Variants in RFX7 observed in about 807,000 individuals in gnomAD.
The protein encoded by RFX7 is DNA-binding protein RFX7.
A neutral mutation model predicts 111.8 loss-of-function variants in RFX7; 26 were observed. That is an observed-to-expected ratio of 0.23 (90% CI 0.17 to 0.32). RFX7 has a LOEUF of 0.32. RFX7 is among the 10% of genes least tolerant of loss of function. The probability of loss-of-function intolerance (pLI) is 1.00; values close to 1 mark genes in which losing one functional copy is unlikely to be tolerated. For synonymous variants in RFX7, 624 were observed against 624.4 expected (o/e 1.00, Z 0.01); for missense variants, 1,573 against 1,772.9 (o/e 0.89, Z 2.02).
intron 5 of RFX7, among the ~76,000 whole-genome samples, chr15:56,139,571 G>A (rs1294692651): frequency 7.2e-5 from 11 of 151,978 alleles, no homozygotes; most frequent in South Asian, 2.1e-4. Flanking sequence ...ATGTCCTCCC[G>A]TAGCTCAGAG....
At position 56,147,593 on chromosome 15, in the gene RFX7, A is replaced by G. The variant is rs185323733; in HGVS notation, c.196-3110T>C. Among the ~76,000 whole-genome samples, 165 of 146,844 alleles carry G rather than the reference A, an allele frequency of 1.1e-3. 1 individual carries two copies. Among genetic ancestry groups the G allele is most frequent in the African/African-American group, 3.9e-3 (157 of 40,310 alleles). ...AAAAAATCTAATTTTTTTTTTTTTG[A>G]GGTGGAGTCTTGCTGTGTCGCCCAG... On this transcript the variant is annotated intron_variant, in intron 3 of 9. Transcript: ENST00000559447.
At chr15:56,114,716 C>A (rs2035185659) in intron 5 of RFX7, among the ~76,000 whole-genome samples, 1 of 151,944 alleles carries the variant, frequency 6.6e-6, no homozygotes, top group South Asian at 2.1e-4. Flanking sequence ...TATAAAAAAA[C>A]TATCATATAT....
intron 2 of RFX7, among the ~76,000 whole-genome samples, chr15:56,183,647 C>G (rs894068395): frequency 6.6e-6 from 1 of 152,154 alleles, no homozygotes; most frequent in Non-Finnish European, 1.5e-5. Flanking sequence ...TATTTGATTG[C>G]ATGACCCCCC....
chr15:56,178,166 TAC>T (rs140828561), intron 3 of RFX7, among the ~76,000 whole-genome samples: 15,330 of 119,142 alleles, frequency 0.13, 1,098 homozygotes, highest in African/African-American at 0.19. Context: ...ACCAAAAAAC[TAC>T]ACACACACAC....
chr15:56,164,822 C>T (rs1256430731), intron 3 of RFX7, among the ~76,000 whole-genome samples: 2 of 152,132 alleles, frequency 1.3e-5, no homozygotes, highest in African/African-American at 4.8e-5. Flanking sequence ...TAAAGTAGGA[C>T]AGTTTTTAGA....
At chr15:56,169,322 T>C (rs1241567978) in intron 3 of RFX7, among the ~76,000 whole-genome samples, 3 of 152,236 alleles carry the variant, frequency 2.0e-5, no homozygotes, top group Non-Finnish European at 4.4e-5. Flanking sequence ...TAATTCCATA[T>C]GGTGAGCATT....
intron 8 of RFX7, among the ~76,000 whole-genome samples, chr15:56,099,344 C>G (rs1443526879): frequency 6.6e-6 from 1 of 152,142 alleles, no homozygotes; most frequent in African/African-American, 2.4e-5. Context: ...GAAGCTATAA[C>G]TCTCTCCCCA....
At chr15:56,183,109 G>C (rs1345566323) in intron 2 of RFX7, among the ~76,000 whole-genome samples, 2 of 151,860 alleles carry the variant, frequency 1.3e-5, no homozygotes, top group African/African-American at 2.4e-5. Flanking sequence ...TAGCAATGTT[G>C]TGTGCCTTTT....
intron 3 of RFX7, among the ~76,000 whole-genome samples, chr15:56,162,808 G>C (rs1306407387): frequency 2.0e-5 from 3 of 152,044 alleles, no homozygotes; most frequent in African/African-American, 4.8e-5. Context: ...AACCAAACAA[G>C]CTATTTAAAT....
intron 5 of RFX7, among the ~76,000 whole-genome samples, chr15:56,109,579 G>A: frequency 6.6e-6 from 1 of 151,458 alleles, no homozygotes; most frequent in Non-Finnish European, 1.5e-5. Flanking sequence ...CTGCCCAGCC[G>A]CCATCCCATC....
At chr15:56,131,309 CACTCTG>C (rs1345872496) in intron 5 of RFX7, among the ~76,000 whole-genome samples, 1 of 136,106 alleles carries the variant, frequency 7.3e-6, no homozygotes, top group Non-Finnish European at 1.5e-5. Context: ...GACAGGATCT[CACTCTG>C]TCACCCAGGT....
intron 2 of RFX7, among the ~76,000 whole-genome samples, chr15:56,241,218 A>C (rs2043685827): frequency 1.3e-5 from 2 of 152,242 alleles, no homozygotes; most frequent in African/African-American, 2.4e-5. Flanking sequence ...AGTGCACTCT[A>C]CTTCAGAAGT....
chr15:56,155,005 A>G (rs1362397763), intron 3 of RFX7, among the ~76,000 whole-genome samples: 1 of 152,236 alleles, frequency 6.6e-6, no homozygotes, highest in Non-Finnish European at 1.5e-5. Context: ...ACATTTATGC[A>G]GCCAACAGAC....
chr15:56,213,961 C>T (rs1459249821), intron 2 of RFX7, among the ~76,000 whole-genome samples: 2 of 152,162 alleles, frequency 1.3e-5, no homozygotes, highest in African/African-American at 2.4e-5. Flanking sequence ...ATCCATTTCA[C>T]TTTTTTTCTA....
chr15:56,102,457 G>A lies in RFX7; in HGVS notation c.519-204C>T, dbSNP rs529840755. 3.3e-5 allele frequency among the ~76,000 whole-genome samples: 5 copies of A among 152,256 alleles called. No individual in the cohort carries two copies. The South Asian group carries it at 6.2e-4, about 19-fold the overall frequency. On this transcript the variant is annotated intron_variant, in intron 6 of 9. Transcript: ENST00000559447. ...TGAAACTGAAATACCCCTTTAGAAT[G>A]TTAAATACTACTGTCTTAAATGAAA...
chr15:56,179,467 C>CAAAA (rs1161454791), intron 2 of RFX7, among the ~76,000 whole-genome samples, 164 bp from the exon 3 acceptor site: 2 of 151,948 alleles, frequency 1.3e-5, no homozygotes, highest in Non-Finnish European at 2.9e-5. Flanking sequence ...TTTCACAAAG[C>CAAAA]AAAACAAAAA....
intron 5 of RFX7, 91 bp downstream of exon 5, chr15:56,142,687 T>C: frequency 8.8e-7 from 1 of 1,142,792 alleles, no homozygotes; most frequent in African/African-American, 1.5e-5. Flanking sequence ...ACCAGCTTGA[T>C]ATTCACCAAT....
At chr15:56,230,643 C>T (rs2043543099) in intron 2 of RFX7, among the ~76,000 whole-genome samples, 1 of 152,176 alleles carries the variant, frequency 6.6e-6, no homozygotes, top group South Asian at 2.1e-4. Flanking sequence ...CTTCAAATAG[C>T]TTGTTTATTA....
intron 2 of RFX7, among the ~76,000 whole-genome samples, chr15:56,195,648 C>T (rs2043140549): frequency 6.6e-6 from 1 of 152,096 alleles, no homozygotes; most frequent in African/African-American, 2.4e-5. Flanking sequence ...TTTAGGATGG[C>T]ACCCTGCTTT....
Sources: gnomAD v4.1 joint callset for allele counts (sites outside exome capture counted in the v4.1 genomes callset) on GRCh38, gnomAD v4.1.1 for gene constraint, MANE v1.5 for transcripts, NCBI Gene and HGNC (gene_info 2026-07-23, HGNC 2026-07-21) for gene names.